Variants in LRFN5 observed in about 807,000 individuals in gnomAD.
LRFN5 encodes leucine-rich repeat and fibronectin type-III domain-containing protein 5.
Under a neutral mutation model 45.6 loss-of-function variants are expected in LRFN5, and 24 were observed. The observed-to-expected ratio is 0.53, with a 90% CI of 0.38 to 0.74. The LOEUF (loss-of-function observed/expected upper bound fraction) is 0.74. LRFN5 is among the 30% of genes least tolerant of loss of function. LRFN5 has a pLI of 0.00. For missense variants in LRFN5, 776 were observed against 861.5 expected, an observed-to-expected ratio of 0.90 and a Z score of 1.24; for synonymous variants, 340 against 313.8, an observed-to-expected ratio of 1.08 and a Z score of -0.88.
intron 2 of LRFN5, among the ~76,000 whole-genome samples, chr14:41,803,159 C>G (rs1887397417): frequency 6.6e-6 from 1 of 152,052 alleles, no homozygotes; most frequent in Non-Finnish European, 1.5e-5. Context: ...GTTAATAAAT[C>G]ATAGCAGGTA....
At chr14:41,777,758 G>A (rs12888464) in intron 2 of LRFN5, among the ~76,000 whole-genome samples, 54,346 of 151,488 alleles carry the variant, frequency 0.36, 9,967 homozygotes, top group South Asian at 0.43. Context: ...TTTATGGTGA[G>A]TACCATTTTT....
At chr14:41,851,893 G>GT (rs1210547061) in intron 2 of LRFN5, among the ~76,000 whole-genome samples, 1 of 151,342 alleles carries the variant, frequency 6.6e-6, no homozygotes, top group Non-Finnish European at 1.5e-5. Flanking sequence ...AAATTAGGCC[G>GT]TTTTATTAAT....
At chr14:41,804,333 G>T (rs1190713886) in intron 2 of LRFN5, among the ~76,000 whole-genome samples, 1 of 152,020 alleles carries the variant, frequency 6.6e-6, no homozygotes, top group Non-Finnish European at 1.5e-5. Flanking sequence ...TTCTGGGTAG[G>T]GCCCACAGGA....
chr14:41,759,994 A>G (rs983119504), intron 1 of LRFN5, among the ~76,000 whole-genome samples: 5 of 152,340 alleles, frequency 3.3e-5, no homozygotes, highest in Middle Eastern at 6.8e-3. Flanking sequence ...GGTTTTTTCC[A>G]GTGGTTACAT....
intron 2 of LRFN5, among the ~76,000 whole-genome samples, chr14:41,859,192 A>G (rs1436379561): frequency 1.3e-5 from 2 of 152,180 alleles, no homozygotes; most frequent in African/African-American, 4.8e-5. Flanking sequence ...TCCATGTGCC[A>G]CTGAGAGCCA....
intron 2 of LRFN5, among the ~76,000 whole-genome samples, chr14:41,785,553 C>T (rs1025786043): frequency 6.6e-5 from 10 of 151,954 alleles, no homozygotes; most frequent in Admixed American, 2.0e-4. Context: ...TGCCAGGGAC[C>T]GGTTTCGTGG....
chr14:41,655,164 G>T (rs1376689094), intron 1 of LRFN5, among the ~76,000 whole-genome samples: 1 of 152,096 alleles, frequency 6.6e-6, no homozygotes, highest in African/African-American at 2.4e-5. Context: ...GCTTCCATTG[G>T]TGTAGGGGAG....
intron 2 of LRFN5, among the ~76,000 whole-genome samples, chr14:41,804,915 T>G (rs897136722): frequency 1.3e-5 from 2 of 152,136 alleles, no homozygotes; most frequent in African/African-American, 4.8e-5. Flanking sequence ...TGCATTTCCT[T>G]TTTTTTGAAA....
At chr14:41,756,262 A>C (rs1359956486) in intron 1 of LRFN5, among the ~76,000 whole-genome samples, 2 of 152,058 alleles carry the variant, frequency 1.3e-5, no homozygotes, top group Non-Finnish European at 2.9e-5. Flanking sequence ...GCTCTTCTCG[A>C]GGAGTATCTT....
At chr14:41,633,960 G>T (rs568232644) in intron 1 of LRFN5, among the ~76,000 whole-genome samples, 1 of 152,010 alleles carries the variant, frequency 6.6e-6, no homozygotes, top group South Asian at 2.1e-4. Flanking sequence ...ATGGAACAAA[G>T]AAATAAAAAA....
At chr14:41,662,605 A>T (rs773318209) in intron 1 of LRFN5, among the ~76,000 whole-genome samples, 1 of 151,998 alleles carries the variant, frequency 6.6e-6, no homozygotes, top group African/African-American at 2.4e-5. Flanking sequence ...CCAAGCATCT[A>T]TTGTGGGCCT....
chr14:41,762,529 T>A (rs1156238795), intron 1 of LRFN5, among the ~76,000 whole-genome samples: 1 of 152,128 alleles, frequency 6.6e-6, no homozygotes, highest in African/African-American at 2.4e-5. Flanking sequence ...TTAGCAGTAT[T>A]AATGGTGAGG....
At chr14:41,728,777 A>T (rs1338387874) in intron 1 of LRFN5, among the ~76,000 whole-genome samples, 1 of 152,134 alleles carries the variant, frequency 6.6e-6, no homozygotes, top group East Asian at 1.9e-4. Context: ...AACTCAGTTG[A>T]GTGTCTGAGC....
intron 2 of LRFN5, among the ~76,000 whole-genome samples, chr14:41,806,939 T>G (rs753203160): frequency 6.6e-6 from 1 of 152,206 alleles, no homozygotes; most frequent in Admixed American, 6.6e-5. Flanking sequence ...ACCCCTAAAC[T>G]ACTAAACTAA....
chr14:41,824,915 A>G (rs924335811), intron 2 of LRFN5, among the ~76,000 whole-genome samples: 3 of 152,098 alleles, frequency 2.0e-5, no homozygotes, highest in Non-Finnish European at 4.4e-5. Flanking sequence ...AGCAAAAACA[A>G]TGTCCACCTC....
intron 1 of LRFN5, among the ~76,000 whole-genome samples, chr14:41,730,211 T>C (rs1350577901): frequency 1.3e-5 from 2 of 152,048 alleles, no homozygotes; most frequent in African/African-American, 4.8e-5. Flanking sequence ...TAAATGGCTG[T>C]CTTCTAATTT....
intron 1 of LRFN5, among the ~76,000 whole-genome samples, chr14:41,715,289 A>AT (rs926269512): frequency 1.4e-4 from 22 of 152,162 alleles, no homozygotes; most frequent in African/African-American, 5.1e-4. Flanking sequence ...TTTTGATCTT[A>AT]TATCCTTCCT....
In LRFN5 at chr14:41,751,544, A is replaced by G. The variant is rs147189193; in HGVS notation, c.-196-15310A>G. Among the ~76,000 whole-genome samples the G allele has an allele frequency of 7.0e-4, 107 of 152,246 alleles. 1 individual carries two copies. The highest frequency in any genetic ancestry group is 1.9e-3 in the African/African-American group (78 of 41,560). ...TTTAGTTTTAAATGTTTATCACATTATAAAGTCACTGGTGATACATACAAT... is the reference window on the plus strand; with the variant it reads ...TTTAGTTTTAAATGTTTATCACATTGTAAAGTCACTGGTGATACATACAAT... On this transcript the variant is annotated intron_variant, in intron 1 of 5. Transcript: ENST00000298119.
chr14:41,891,496 C>A lies in LRFN5; in HGVS notation c.1632C>A (p.Phe544Leu), dbSNP rs1325035617. Reference sequence around the variant, plus strand: ...TCATTGTAGCATCTGTGCTGGTATTCATCATTATTCTGATGATCCGGTATA... The same window carrying A: ...TCATTGTAGCATCTGTGCTGGTATTAATCATTATTCTGATGATCCGGTATA... The part of the protein sequence containing the change: ...GGIIVASVLV[F>L]IIILMIRYKV... The change falls in exon 4 of 6, where the codon TTC (phenylalanine) becomes TTA (leucine). Residue 544 changes from phenylalanine to leucine, a missense_variant. Physicochemically the swap from Phe to Leu is conservative, Grantham distance 22. Coordinates refer to ENST00000298119, the MANE Select transcript of LRFN5 (RefSeq NM_152447.5). The A allele has an allele frequency of 5.0e-6, 8 of 1,613,958 alleles. No individual in the cohort carries two copies. The highest frequency in any genetic ancestry group is 6.8e-6 in the Non-Finnish European group (8 of 1,180,020).
Sources: allele counts gnomAD v4.1 joint callset (sites outside exome capture counted in the v4.1 genomes callset), GRCh38; gene constraint gnomAD v4.1.1; transcripts MANE v1.5; gene names NCBI Gene and HGNC (gene_info 2026-07-23, HGNC 2026-07-21).